Variants in FAF2 observed in about 807,000 individuals in gnomAD.
FAF2 encodes FAS-associated factor 2.
In FAF2, 9 loss-of-function variants were observed where a neutral mutation model predicts 62.3. The observed-to-expected ratio is 0.14, with a 90% CI of 0.09 to 0.25. The LOEUF is 0.25. Ranked by LOEUF, FAF2 falls within the 10% of genes least tolerant of loss-of-function variation. FAF2 has a pLI of 1.00. For missense variants in FAF2, 368 were observed against 556.2 expected (o/e 0.66, Z 3.40); for synonymous variants, 202 against 198.0 (o/e 1.02, Z -0.17).
chr5:176,469,223 C>T (rs868857496), intron 1 of FAF2, among the ~76,000 whole-genome samples: 24 of 152,094 alleles, frequency 1.6e-4, no homozygotes, highest in Admixed American at 3.9e-4. Context: ...CCAGCCTGGG[C>T]GACAGAGCGA....
rs1561828226 is a variant in FAF2 at position 176,498,892 on chromosome 5, CTT to C, written c.840-21_840-20del. On this transcript the variant is annotated intron_variant, in intron 8 of 10. Transcript: ENST00000261942. ...TTTGTGAGAGTGCTGTTTTTCTTCT[CTT>C]GCTTTTGATCTATTCACAGGGAAGA... The C allele has an allele frequency of 6.6e-7, 1 of 1,518,176 alleles. No individual in the cohort carries two copies. Among genetic ancestry groups the C allele is most frequent in the Non-Finnish European group, 8.9e-7 (1 of 1,128,692 alleles). 94.0% of individuals were successfully genotyped at this position (1,518,176 alleles called of 1,614,324 possible).
intron 10 of FAF2, among the ~76,000 whole-genome samples, chr5:176,502,319 G>A (rs966410864): frequency 2.0e-5 from 3 of 152,084 alleles, no homozygotes; most frequent in Admixed American, 6.6e-5. Flanking sequence ...TGTGGCTCAC[G>A]CCTATAATCC....
intron 1 of FAF2, among the ~76,000 whole-genome samples, chr5:176,472,957 A>G (rs1758600289): frequency 6.6e-6 from 1 of 152,100 alleles, no homozygotes; most frequent in Non-Finnish European, 1.5e-5. Context: ...ACTTGTCATT[A>G]GGAGAGATTT....
Position 176,508,934 on chromosome 5 carries a change from T to C in FAF2, c.*1984T>C, listed in dbSNP as rs1408455615. ...GACCTTTGTGAGGCTAGGTACACTG[T>C]CCACACCTCTTTGGGGAAGTTACGA... On this transcript the variant is annotated 3_prime_UTR_variant, in exon 11 of 11. Transcript: ENST00000261942. The C allele has an allele frequency of 6.6e-6, 1 of 152,148 alleles. No individual in the cohort carries two copies. Among genetic ancestry groups the C allele is most frequent in the Non-Finnish European group, 1.5e-5 (1 of 68,030 alleles). 9.4% of individuals were successfully genotyped at this position (152,148 alleles called of 1,614,324 possible). A position where few individuals can be genotyped will look rare whatever the true frequency, so the allele number is the denominator to read the frequency against.
At chr5:176,496,896 A>G (rs548992725) in intron 8 of FAF2, 24 of 295,394 alleles carry the variant, frequency 8.1e-5, no homozygotes, top group Middle Eastern at 9.6e-4. Context: ...AGTGGCTAAC[A>G]CCTGAAATCC....
At chr5:176,459,809 A>G (rs1758344173) in intron 1 of FAF2, among the ~76,000 whole-genome samples, 1 of 152,054 alleles carries the variant, frequency 6.6e-6, no homozygotes, top group Non-Finnish European at 1.5e-5. Flanking sequence ...GATTTGTTGT[A>G]TGAATGATCC....
At chr5:176,496,445 C>G (rs1411022897) in intron 7 of FAF2, 41 bp from the exon 8 acceptor site, 1 of 1,458,000 alleles carries the variant, frequency 6.9e-7, no homozygotes, top group South Asian at 1.4e-5. Flanking sequence ...ATCTTTTTCA[C>G]CGTCAAGTCC....
intron 2 of FAF2, among the ~76,000 whole-genome samples, chr5:176,483,689 T>G (rs1020581770): frequency 2.0e-5 from 3 of 152,194 alleles, no homozygotes; most frequent in Admixed American, 6.6e-5. Context: ...TCAGATTTGC[T>G]AATTCACTAG....
chr5:176,460,927 A>T (rs1758367504), intron 1 of FAF2, among the ~76,000 whole-genome samples: 1 of 152,010 alleles, frequency 6.6e-6, no homozygotes, highest in African/African-American at 2.4e-5. Flanking sequence ...CTGCACTCCA[A>T]CCTGGGTGAC....
In FAF2 at chr5:176,476,124, G is replaced by T. The variant is rs183195046; in HGVS notation, c.64-3064G>T. Among the ~76,000 whole-genome samples the T allele has an allele frequency of 1.6e-4, 24 of 152,226 alleles. 1 individual carries two copies. Among genetic ancestry groups the T allele is most frequent in the Admixed American group, 1.5e-3 (23 of 15,276 alleles). On this transcript the variant is annotated intron_variant, in intron 1 of 10. Transcript: ENST00000261942. ...AAAATAGAAAAATTAGCCAAGTGTG[G>T]TGGCGCACACCTGTGGTTCCAGCTG...
chr5:176,459,087 A>G (rs911446340), intron 1 of FAF2, among the ~76,000 whole-genome samples: 1 of 152,136 alleles, frequency 6.6e-6, no homozygotes, highest in Non-Finnish European at 1.5e-5. Flanking sequence ...TGCATGATAG[A>G]TGCTCAATTA....
intron 1 of FAF2, among the ~76,000 whole-genome samples, chr5:176,448,779 C>T (rs1309161184): frequency 6.6e-6 from 1 of 152,210 alleles, no homozygotes; most frequent in East Asian, 1.9e-4. Flanking sequence ...ATCGGTCGGA[C>T]CCTCTCCGCC....
At chr5:176,452,790 T>G (rs1330688677) in intron 1 of FAF2, among the ~76,000 whole-genome samples, 1 of 152,194 alleles carries the variant, frequency 6.6e-6, no homozygotes, top group Non-Finnish European at 1.5e-5. Context: ...AACTTTAATC[T>G]GTAGATGAGG....
chr5:176,507,270 A>G lies in FAF2; in HGVS notation c.*320A>G, dbSNP rs1434009874. 1 of 454,578 alleles carries G rather than the reference A, an allele frequency of 2.2e-6. No individual in the cohort carries two copies. Among genetic ancestry groups the G allele is most frequent in the Non-Finnish European group, 4.4e-6 (1 of 226,546 alleles). 28.2% of individuals were successfully genotyped at this position (454,578 alleles called of 1,614,324 possible). On this transcript the variant is annotated 3_prime_UTR_variant, in exon 11 of 11. Coordinates refer to ENST00000261942, the MANE Select transcript of FAF2 (RefSeq NM_014613.3). ...TCACCTTCGACCCATCCATTGTCCC[A>G]GCTGGGAAGGGGACATTCCCACTAG...
At chr5:176,471,611 G>A (rs1285508408) in intron 1 of FAF2, among the ~76,000 whole-genome samples, 1 of 151,238 alleles carries the variant, frequency 6.6e-6, no homozygotes, top group Non-Finnish European at 1.5e-5. Context: ...TCGAACTCCT[G>A]ACCTCAGGTG....
intron 8 of FAF2, among the ~76,000 whole-genome samples, chr5:176,497,908 G>T (rs920184938): frequency 6.6e-6 from 1 of 152,070 alleles, no homozygotes; most frequent in Non-Finnish European, 1.5e-5. Flanking sequence ...CGAGCATTTC[G>T]GGAGGCTGAG....
intron 5 of FAF2, 78 bp from the exon 6 acceptor site, chr5:176,493,921 A>T: frequency 3.3e-6 from 3 of 922,812 alleles, no homozygotes; most frequent in Non-Finnish European, 5.1e-6. Flanking sequence ...ACATAACTGT[A>T]TCCATTAGGA....
chr5:176,477,987 TAGTA>T (rs1340833700), intron 1 of FAF2, among the ~76,000 whole-genome samples: 1 of 152,172 alleles, frequency 6.6e-6, no homozygotes, highest in African/African-American at 2.4e-5. Context: ...CCCTCCAACA[TAGTA>T]AGTTAGTGCT....
At chr5:176,489,081 A>T in intron 4 of FAF2, 54 bp downstream of exon 4, 1 of 1,429,658 alleles carries the variant, frequency 7.0e-7, no homozygotes, top group Non-Finnish European at 9.8e-7. Flanking sequence ...TGGAGCTGAA[A>T]TTTAGGCCAA....
Sources: gnomAD v4.1 joint callset for allele counts (sites outside exome capture counted in the v4.1 genomes callset) on GRCh38, gnomAD v4.1.1 for gene constraint, MANE v1.5 for transcripts, NCBI Gene and HGNC (gene_info 2026-07-23, HGNC 2026-07-21) for gene names.